LHPP: variants seen among roughly 807,000 people sequenced by gnomAD.
LHPP encodes hLHPP.
In LHPP, 24 loss-of-function variants were observed where a neutral mutation model predicts 30.3. The observed-to-expected ratio is 0.79, with a 90% CI of 0.57 to 1.11. The LOEUF (loss-of-function observed/expected upper bound fraction) is 1.11. LHPP is among the 50% of genes most tolerant of loss of function. LHPP has a pLI of 0.00. For synonymous variants in LHPP, 150 were observed against 157.1 expected (o/e 0.95, Z 0.34); for missense variants, 356 against 367.2 (o/e 0.97, Z 0.25).
At chr10:124,480,125 T>G (rs917483484) in intron 1 of LHPP, among the ~76,000 whole-genome samples, 1 of 152,244 alleles carries the variant, frequency 6.6e-6, no homozygotes, top group Non-Finnish European at 1.5e-5. Flanking sequence ...GCCTACTTTC[T>G]TTATTTTCAG....
At chr10:124,599,835 G>A (rs1563282) in intron 6 of LHPP, among the ~76,000 whole-genome samples, 28,877 of 152,156 alleles carry the variant, frequency 0.19, 3,084 homozygotes, top group East Asian at 0.27. Flanking sequence ...GGGGGTGCTC[G>A]TCCCATGGCA....
chr10:124,540,465 G>A (rs959499897), intron 6 of LHPP, among the ~76,000 whole-genome samples: 7 of 152,216 alleles, frequency 4.6e-5, no homozygotes, highest in Admixed American at 2.6e-4. Flanking sequence ...CCCCACTGAC[G>A]GCTCTCAGTT....
chr10:124,598,884 C>T (rs990061940), intron 6 of LHPP, among the ~76,000 whole-genome samples: 15 of 150,740 alleles, frequency 1.0e-4, no homozygotes, highest in Admixed American at 2.6e-4. Context: ...CCTGTCCATT[C>T]GTCCACCCAT....
At chr10:124,560,682 C>T (rs938337460) in intron 6 of LHPP, among the ~76,000 whole-genome samples, 2 of 152,254 alleles carry the variant, frequency 1.3e-5, no homozygotes, top group East Asian at 1.9e-4. Flanking sequence ...TAGCCGGGGA[C>T]GAGGGGCTGG....
At chr10:124,462,389 G>A (rs988850520) in intron 1 of LHPP, among the ~76,000 whole-genome samples, 6 of 152,174 alleles carry the variant, frequency 3.9e-5, no homozygotes, top group Non-Finnish European at 5.9e-5. Context: ...AGGCTAGGGG[G>A]TTGGAGACCA....
chr10:124,578,356 G>A (rs73369493), intron 6 of LHPP, among the ~76,000 whole-genome samples: 8,650 of 152,324 alleles, frequency 0.057, 776 homozygotes, highest in African/African-American at 0.19. Context: ...CAGGGCCACA[G>A]GCATGGCTTG....
At chr10:124,574,082 C>T (rs1012996155) in intron 6 of LHPP, among the ~76,000 whole-genome samples, 1 of 152,140 alleles carries the variant, frequency 6.6e-6, no homozygotes, top group African/African-American at 2.4e-5. Flanking sequence ...GCTGGCTCCT[C>T]CCAACGCCCC....
At chr10:124,471,584 A>T (rs1254660407) in intron 1 of LHPP, among the ~76,000 whole-genome samples, 1 of 66,184 alleles carries the variant, frequency 1.5e-5, no homozygotes, top group African/African-American at 5.6e-5. Flanking sequence ...TTTTATATTT[A>T]TATATTTTTT....
intron 6 of LHPP, among the ~76,000 whole-genome samples, chr10:124,556,732 G>A (rs139263753): frequency 5.7e-4 from 87 of 152,284 alleles, no homozygotes; most frequent in African/African-American, 1.9e-3. Context: ...CCATCAATGG[G>A]AAAAGAATGG....
intron 6 of LHPP, among the ~76,000 whole-genome samples, chr10:124,548,255 C>T (rs1262435310): frequency 6.6e-6 from 1 of 152,074 alleles, no homozygotes; most frequent in Non-Finnish European, 1.5e-5. Flanking sequence ...GCTGCCTCTG[C>T]CTCCTGTGAA....
chr10:124,476,494 T>G (rs1952948170), intron 1 of LHPP, among the ~76,000 whole-genome samples: 1 of 152,160 alleles, frequency 6.6e-6, no homozygotes, highest in Non-Finnish European at 1.5e-5. Flanking sequence ...TCACTGTTTA[T>G]GGCTCGGGTT....
intron 5 of LHPP, chr10:124,498,604 T>A (rs946798665): frequency 1.3e-6 from 1 of 754,818 alleles, no homozygotes; most frequent in Non-Finnish European, 2.1e-6. Flanking sequence ...TGTCTACACC[T>A]ACCCCAACCC....
intron 6 of LHPP, among the ~76,000 whole-genome samples, chr10:124,554,526 G>C (rs188007110): frequency 3.3e-5 from 5 of 152,380 alleles, no homozygotes; most frequent in Non-Finnish European, 5.9e-5. Context: ...GGATATGGCA[G>C]TTTAATAATG....
intron 6 of LHPP, among the ~76,000 whole-genome samples, chr10:124,538,881 T>A (rs1189162258): frequency 1.3e-5 from 2 of 152,176 alleles, no homozygotes; most frequent in African/African-American, 2.4e-5. Flanking sequence ...CCTGCAGCCG[T>A]GGCGTGGCAG....
At chr10:124,472,454 G>A (rs1381563365) in intron 1 of LHPP, among the ~76,000 whole-genome samples, 1 of 152,192 alleles carries the variant, frequency 6.6e-6, no homozygotes, top group African/African-American at 2.4e-5. Flanking sequence ...CTGTTAGACA[G>A]CTATGAAAGA....
At chr10:124,613,183 A>G (rs1949224182) in intron 6 of LHPP, 81 bp from the exon 7 acceptor site, 1 of 1,085,990 alleles carries the variant, frequency 9.2e-7, no homozygotes, top group Middle Eastern at 2.0e-4. Context: ...GGCCAGGCCC[A>G]TGTTAGATGC....
chr10:124,490,474 C>A, intron 3 of LHPP: 2 of 336,536 alleles, frequency 5.9e-6, no homozygotes, highest in South Asian at 3.0e-5. Context: ...TTCTCATCTG[C>A]CAGCTCCGGG....
chr10:124,498,837 A>G lies in LHPP; in HGVS notation c.624+709A>G, dbSNP rs1330408920. The G allele has an allele frequency of 3.8e-5, 12 of 318,994 alleles. No individual in the cohort carries two copies. In the East Asian group the frequency reaches 6.3e-4, roughly 17 times the overall value. 19.8% of individuals were successfully genotyped at this position (318,994 alleles called of 1,614,324 possible). ...CCAGGCCCCCCCCCCGCCAACCCCA[A>G]CTGAGTAGCTGGGACTACAGGTATA... On this transcript the variant is annotated intron_variant, in intron 5 of 6. Coordinates refer to ENST00000368842, the MANE Select transcript of LHPP (RefSeq NM_022126.4).
chr10:124,481,059 G>A (rs1953109207), intron 1 of LHPP, among the ~76,000 whole-genome samples: 1 of 152,164 alleles, frequency 6.6e-6, no homozygotes, highest in South Asian at 2.1e-4. Flanking sequence ...TGTTAATGGG[G>A]GATTGTGGAG....
Sources: gnomAD v4.1 joint callset for allele counts (sites outside exome capture counted in the v4.1 genomes callset) on GRCh38, gnomAD v4.1.1 for gene constraint, MANE v1.5 for transcripts, NCBI Gene and HGNC (gene_info 2026-07-23, HGNC 2026-07-21) for gene names.